Variants in TPD52L2 observed in about 807,000 individuals in gnomAD.
TPD52L2 encodes the protein TPD52 like 2.
TPD52L2 carries 19 observed loss-of-function variants against 24.7 expected under a neutral mutation model. The ratio of observed to expected loss-of-function variants is 0.77; its 90% CI spans 0.54 to 1.13. The LOEUF (loss-of-function observed/expected upper bound fraction) is 1.13, where lower values mean the gene tolerates loss of function less well. Ranked by LOEUF, TPD52L2 falls within the 50% of genes most tolerant of loss-of-function variation. The pLI, the probability that TPD52L2 is intolerant of heterozygous loss-of-function variation, is 0.00. For missense variants in TPD52L2, 236 were observed against 250.4 expected, an observed-to-expected ratio of 0.94 and a Z score of 0.39; for synonymous variants, 104 against 100.2, an observed-to-expected ratio of 1.04 and a Z score of -0.23.
intron 2 of TPD52L2, among the ~76,000 whole-genome samples, chr20:63,871,363 T>TG (rs1221647978): frequency 6.7e-6 from 1 of 150,364 alleles, no homozygotes; most frequent in African/African-American, 2.5e-5. Flanking sequence ...ATTTTTTTTT[T>TG]TTTAAGGACG....
At chr20:63,865,800 C>T (rs905893400) in intron 1 of TPD52L2, among the ~76,000 whole-genome samples, 2 of 151,932 alleles carry the variant, frequency 1.3e-5, no homozygotes, top group Admixed American at 6.6e-5. Flanking sequence ...GGACCCAGTC[C>T]GAGGTGTTGA....
rs770811517 is a variant in TPD52L2 at position 63,887,131 on chromosome 20, G to A, written c.477-2059G>A. The A allele has an allele frequency of 5.1e-4, 151 of 293,308 alleles. 1 individual carries two copies. Among genetic ancestry groups the A allele is most frequent in the Non-Finnish European group, 6.4e-4 (97 of 152,132 alleles). The allele number at this position is 293,308 out of a possible 1,614,324, so 18.2% of individuals were successfully genotyped here. A position where few individuals can be genotyped will look rare whatever the true frequency, so the allele number is the denominator to read the frequency against. ...AAGCTCCTCTAGGCCAAGCCGGGGC[G>A]CCGCCAGCACGTGCCCTTCTGCTGG... is the stretch of plus-strand genomic sequence containing the variant. On this transcript the variant is annotated intron_variant, in intron 5 of 6. Transcript: ENST00000346249.
intron 3 of TPD52L2, among the ~76,000 whole-genome samples, chr20:63,874,478 A>G (rs1473102162): frequency 1.3e-5 from 2 of 151,468 alleles, no homozygotes; most frequent in Non-Finnish European, 2.9e-5. Context: ...GGTTCAAGCA[A>G]TCCTCCCAAC....
At chr20:63,865,698 C>T (rs768541804) in intron 1 of TPD52L2, among the ~76,000 whole-genome samples, 21 of 151,676 alleles carry the variant, frequency 1.4e-4, no homozygotes, top group Non-Finnish European at 2.2e-4. Flanking sequence ...CAGCAGGTCT[C>T]GCTTATGCCG....
chr20:63,885,540 G>A (rs2053060047), intron 5 of TPD52L2, among the ~76,000 whole-genome samples: 1 of 152,238 alleles, frequency 6.6e-6, no homozygotes, highest in Non-Finnish European at 1.5e-5. Context: ...ATCCTCCCAC[G>A]GTGCGTGTGC....
At chr20:63,875,961 C>T in intron 4 of TPD52L2, 86 bp downstream of exon 4, 1 of 1,353,076 alleles carries the variant, frequency 7.4e-7, no homozygotes, top group Non-Finnish European at 1.0e-6. Flanking sequence ...GCACACTTGG[C>T]ACAAAGCTTG....
In TPD52L2 at chr20:63,865,982, G is replaced by C. The variant is rs139359354; in HGVS notation, c.19+598G>C. 4.7e-3 allele frequency among the ~76,000 whole-genome samples: 720 copies of C among 152,342 alleles called. 4 individuals are homozygous for C. Among genetic ancestry groups the C allele is most frequent in the African/African-American group, 0.017 (688 of 41,574 alleles). On this transcript the variant is annotated intron_variant, in intron 1 of 6. Coordinates refer to ENST00000346249, the MANE Select transcript of TPD52L2 (RefSeq NM_003288.4). Reference sequence around the variant, plus strand: ...TTTCCAGAACAGTCTCCCCAGAGCAGTATGAGATGGCCACTGAGGGGCGTG... The same window carrying C: ...TTTCCAGAACAGTCTCCCCAGAGCACTATGAGATGGCCACTGAGGGGCGTG...
intron 1 of TPD52L2, among the ~76,000 whole-genome samples, chr20:63,867,063 C>T (rs1455942869): frequency 3.3e-5 from 5 of 151,810 alleles, no homozygotes; most frequent in African/African-American, 2.4e-5. Flanking sequence ...AAGCGATTCT[C>T]CTGCCTCAGC....
At position 63,877,112 on chromosome 20, in the gene TPD52L2, G is replaced by A. The variant is rs1016088297; in HGVS notation, c.374+1237G>A. The A allele has an allele frequency of 3.1e-5, 12 of 389,468 alleles. No homozygotes were observed. Among genetic ancestry groups the A allele is most frequent in the Non-Finnish European group, 6.1e-5 (12 of 197,352 alleles). 24.1% of individuals were successfully genotyped at this position (389,468 alleles called of 1,614,324 possible). A position where few individuals can be genotyped will look rare whatever the true frequency, so the allele number is the denominator to read the frequency against. The stretch of plus-strand genomic sequence containing the variant: ...GCCATCTGGGCTCACTGCAAGCTCC[G>A]CCTCCCGGGTTCACACCATTCTCCT... On this transcript the variant is annotated intron_variant, in intron 4 of 6. Transcript: ENST00000346249. The surrounding 1 kb of genome is among the most constrained non-coding windows in gnomAD (Gnocchi z 4.1).
chr20:63,865,474 C>T lies in TPD52L2; in HGVS notation c.19+90C>T, dbSNP rs1054136847. The T allele has an allele frequency of 2.3e-5, 34 of 1,456,262 alleles. No homozygotes were observed. In the African/African-American group the frequency reaches 2.9e-4, roughly 13 times the overall value. 90.2% of individuals were successfully genotyped at this position (1,456,262 alleles called of 1,614,324 possible). A position where few individuals can be genotyped will look rare whatever the true frequency, so the allele number is the denominator to read the frequency against. ...CGGGGTCGCGTCTGCGACTCTCTGT[C>T]CTCTCGGTCTCGGTTCACCCACCCC... On this transcript the variant is annotated intron_variant, in intron 1 of 6. Transcript: ENST00000346249.
intron 5 of TPD52L2, among the ~76,000 whole-genome samples, chr20:63,883,557 A>G (rs2052980297): frequency 6.6e-6 from 1 of 152,134 alleles, no homozygotes; most frequent in Non-Finnish European, 1.5e-5. Flanking sequence ...ATAGGTTGTC[A>G]CCATCAACAG....
At chr20:63,885,848 C>A (rs3795153) in intron 5 of TPD52L2, among the ~76,000 whole-genome samples, 11 of 152,088 alleles carry the variant, frequency 7.2e-5, no homozygotes, top group Admixed American at 2.0e-4. Flanking sequence ...CTGCTGTCCC[C>A]GGTGGTGTGC....
chr20:63,890,851 A>G lies in TPD52L2; in HGVS notation c.*906A>G, dbSNP rs2053297579. On this transcript the variant is annotated 3_prime_UTR_variant, in exon 7 of 7. Transcript: ENST00000346249. The stretch of plus-strand genomic sequence containing the variant: ...TATGCCCTGCCCTAAAGGGCTCTTG[A>G]GCCTCTGGGAATGGGAGGGGCCAAG... 2 of 152,382 alleles carry G rather than the reference A, an allele frequency of 1.3e-5. No individual in the cohort carries two copies. The highest frequency in any genetic ancestry group is 4.1e-4 in the South Asian group (2 of 4,836). 9.4% of individuals were successfully genotyped at this position (152,382 alleles called of 1,614,324 possible).
chr20:63,881,978 A>T (rs1172320017), intron 4 of TPD52L2, among the ~76,000 whole-genome samples: 2 of 152,142 alleles, frequency 1.3e-5, no homozygotes, highest in Non-Finnish European at 2.9e-5. Context: ...CTTTGATGGG[A>T]TGTACCCATG....
chr20:63,873,292 C>T (rs1470790417), intron 2 of TPD52L2, among the ~76,000 whole-genome samples: 1 of 151,716 alleles, frequency 6.6e-6, no homozygotes, highest in Non-Finnish European at 1.5e-5. Context: ...GAGTTTGAGA[C>T]GAGCCTGACC....
chr20:63,887,517 G>A (rs765480249), intron 5 of TPD52L2: 27 of 1,607,532 alleles, frequency 1.7e-5, no homozygotes, highest in Middle Eastern at 1.7e-4. Flanking sequence ...GTGGATCTTG[G>A]TGTTAACTCT....
chr20:63,866,417 A>C (rs578011690), intron 1 of TPD52L2, among the ~76,000 whole-genome samples: 2 of 148,090 alleles, frequency 1.4e-5, no homozygotes, highest in South Asian at 4.3e-4. Flanking sequence ...ATTAAGCTTT[A>C]TAATTCCTAG....
intron 4 of TPD52L2, chr20:63,876,997 C>T (rs2052710264): frequency 2.2e-6 from 1 of 452,734 alleles, no homozygotes; most frequent in Non-Finnish European, 4.4e-6. Flanking sequence ...CCGGGTGGTT[C>T]ATGGCATGTT....
intron 1 of TPD52L2, 152 bp from the exon 2 acceptor site, chr20:63,869,144 C>A: frequency 1.2e-6 from 1 of 828,440 alleles, no homozygotes; most frequent in African/African-American, 1.7e-5. Flanking sequence ...GTCTACTGCC[C>A]ATGCTGTCCT....
Sources: allele counts gnomAD v4.1 joint callset (sites outside exome capture counted in the v4.1 genomes callset), GRCh38; gene constraint gnomAD v4.1.1; non-coding constraint Gnocchi (gnomAD v3.1); transcripts MANE v1.5; gene names NCBI Gene and HGNC (gene_info 2026-07-23, HGNC 2026-07-21).